The following TTC17 variants were observed in gnomAD, a reference collection of about 807,000 sequenced individuals.
TTC17 encodes the protein tetratricopeptide repeat protein 17.
In TTC17, 58 loss-of-function variants were observed where a neutral mutation model predicts 143.8. That is an observed-to-expected ratio of 0.40 (90% CI 0.33 to 0.50). The LOEUF (loss-of-function observed/expected upper bound fraction) is 0.50, where lower values mean the gene tolerates loss of function less well. Ranked by LOEUF, TTC17 falls within the 20% of genes least tolerant of loss-of-function variation. The probability of loss-of-function intolerance (pLI) is 0.49; values close to 1 mark genes in which losing one functional copy is unlikely to be tolerated. For synonymous variants in TTC17, 501 were observed against 497.8 expected (o/e 1.01, Z -0.09); for missense variants, 1,273 against 1,392.5 (o/e 0.91, Z 1.37).
At chr11:43,392,987 A>G (rs976586374) in intron 5 of TTC17, among the ~76,000 whole-genome samples, 4 of 152,220 alleles carry the variant, frequency 2.6e-5, no homozygotes, top group Non-Finnish European at 5.9e-5. Context: ...AAGGCTCTGA[A>G]TCCTGATTGA....
chr11:43,493,977 G>T lies in TTC17; in HGVS notation c.*73G>T. On this transcript the variant is annotated 3_prime_UTR_variant, in exon 24 of 24. Transcript: ENST00000039989. ...AGAATAAGAAAAGAAACCAATCATTGTCAGTATCTACTATTAATGATGTGT... is the reference window on the plus strand; with the variant it reads ...AGAATAAGAAAAGAAACCAATCATTTTCAGTATCTACTATTAATGATGTGT... The T allele has an allele frequency of 6.7e-7, 1 of 1,490,434 alleles. No individual in the cohort carries two copies. The highest frequency in any genetic ancestry group is 1.4e-5 in the South Asian group (1 of 71,718). 92.3% of individuals were successfully genotyped at this position (1,490,434 alleles called of 1,614,324 possible). A position where few individuals can be genotyped will look rare whatever the true frequency, so the allele number is the denominator to read the frequency against.
chr11:43,374,170 G>T (rs1423646483), intron 1 of TTC17, among the ~76,000 whole-genome samples: 1 of 152,114 alleles, frequency 6.6e-6, no homozygotes, highest in Non-Finnish European at 1.5e-5. Flanking sequence ...AAATTTTTGT[G>T]GGAAAGCACT....
intron 21 of TTC17, among the ~76,000 whole-genome samples, chr11:43,488,488 T>A (rs1413635976): frequency 6.6e-6 from 1 of 150,522 alleles, no homozygotes; most frequent in African/African-American, 2.4e-5. Flanking sequence ...ATATATATAT[T>A]ACTTTATATA....
chr11:43,421,432 A>G (rs542831380), intron 16 of TTC17, among the ~76,000 whole-genome samples: 2 of 152,146 alleles, frequency 1.3e-5, no homozygotes, highest in Non-Finnish European at 2.9e-5. Context: ...CGTCTAAGAG[A>G]AAGATGTAAG....
intron 1 of TTC17, among the ~76,000 whole-genome samples, chr11:43,361,803 A>G (rs2134423857): frequency 6.6e-6 from 1 of 152,306 alleles, no homozygotes; most frequent in East Asian, 1.9e-4. Flanking sequence ...CTACCAGGCA[A>G]AGGGCTAAGG....
At chr11:43,455,275 C>T (rs1947741736) in intron 21 of TTC17, among the ~76,000 whole-genome samples, 1 of 151,570 alleles carries the variant, frequency 6.6e-6, no homozygotes, top group South Asian at 2.1e-4. Context: ...GCATTAAGTA[C>T]TGTGTCAGTA....
At chr11:43,484,162 T>G (rs1948338040) in intron 21 of TTC17, among the ~76,000 whole-genome samples, 1 of 151,884 alleles carries the variant, frequency 6.6e-6, no homozygotes, top group Non-Finnish European at 1.5e-5. Flanking sequence ...AGAAATAAAT[T>G]AATGGCATAA....
chr11:43,378,693 ATTTTTT>A (rs1856852282), intron 1 of TTC17, among the ~76,000 whole-genome samples: 4 of 152,322 alleles, frequency 2.6e-5, no homozygotes, highest in African/African-American at 7.2e-5. Context: ...ATGAGTGTTC[ATTTTTT>A]CTACAGCTTC....
rs145701531 is a variant in TTC17 at position 43,379,328 on chromosome 11, G to T, written c.249+6G>T. On this transcript the variant is annotated splice_donor_region_variant and intron_variant, in intron 2 of 23. Coordinates refer to ENST00000039989, the MANE Select transcript of TTC17 (RefSeq NM_018259.6). ...ACTACCTCAAAGAATTAGAGGTGAG[G>T]CAACTGGGCATGTGAGATGCAGCTG... 4.4e-5 allele frequency: 71 copies of T among 1,609,796 alleles called. No individual in the cohort carries two copies. The highest frequency in any genetic ancestry group is 3.0e-4 in the South Asian group (27 of 90,328).
At chr11:43,474,109 C>A (rs1948141751) in intron 21 of TTC17, among the ~76,000 whole-genome samples, 1 of 152,138 alleles carries the variant, frequency 6.6e-6, no homozygotes, top group Non-Finnish European at 1.5e-5. Flanking sequence ...AAATGCCCAG[C>A]AGTAGCGGAG....
intron 23 of TTC17, among the ~76,000 whole-genome samples, chr11:43,492,775 TC>T (rs970558153): frequency 6.6e-4 from 101 of 152,320 alleles, no homozygotes; most frequent in African/African-American, 2.3e-3. Context: ...GGCAAAGTCA[TC>T]CAGATCCCTC....
intron 21 of TTC17, among the ~76,000 whole-genome samples, chr11:43,467,689 C>G (rs931880173): frequency 1.3e-5 from 2 of 151,970 alleles, no homozygotes; most frequent in East Asian, 3.9e-4. Flanking sequence ...AACAGTAGAA[C>G]AGATGATTAG....
intron 13 of TTC17, 36 bp from the exon 14 acceptor site, chr11:43,407,102 T>C: frequency 1.4e-6 from 2 of 1,437,232 alleles, no homozygotes. Flanking sequence ...TTCCCTGTTA[T>C]TTTCAATTGA....
chr11:43,439,350 C>G (rs1055407854), intron 16 of TTC17, among the ~76,000 whole-genome samples: 1 of 152,032 alleles, frequency 6.6e-6, no homozygotes, highest in African/African-American at 2.4e-5. Context: ...CTTTGGATAT[C>G]TCTTAAAGTG....
intron 16 of TTC17, 132 bp downstream of exon 16, chr11:43,414,908 A>T (rs1946743189): frequency 2.1e-6 from 2 of 940,516 alleles, no homozygotes; most frequent in Non-Finnish European, 3.1e-6. Flanking sequence ...CCAGATGCAT[A>T]GGAAAAGATG....
At chr11:43,463,449 A>G (rs1015360376) in intron 21 of TTC17, among the ~76,000 whole-genome samples, 2 of 152,220 alleles carry the variant, frequency 1.3e-5, no homozygotes, top group African/African-American at 4.8e-5. Context: ...TAGCTTTCAT[A>G]TATACAATTT....
chr11:43,462,233 G>T (rs575205755), intron 21 of TTC17, among the ~76,000 whole-genome samples: 6 of 152,204 alleles, frequency 3.9e-5, no homozygotes, highest in African/African-American at 1.4e-4. Flanking sequence ...CCCCTACAAA[G>T]ATATCCACGT....
chr11:43,454,676 G>A (rs1198361982), intron 21 of TTC17, among the ~76,000 whole-genome samples: 2 of 152,024 alleles, frequency 1.3e-5, no homozygotes, highest in African/African-American at 4.8e-5. Context: ...CAAAGTTTAT[G>A]ATCTCCATAC....
rs200275842 is a variant in TTC17, at chr11:43,443,339, G to A, written c.2266G>A (p.Glu756Lys). The A allele has an allele frequency of 4.3e-6, 7 of 1,613,940 alleles. No individual in the cohort carries two copies. Among genetic ancestry groups the A allele is most frequent in the Non-Finnish European group, 5.9e-6 (7 of 1,179,982 alleles). ...TTGAATTTCAGGTACGGTGGTTGAG[G>A]AGAGCAATGGTTCTGATGAGATGGA... The part of the protein sequence containing the change: ...SSVCSGTVVE[E>K]SNGSDEMENS... Residue 756 changes from glutamate to lysine, a missense_variant, in exon 17 of 24, where the codon GAG (glutamate) becomes AAG (lysine). Coordinates refer to ENST00000039989, the MANE Select transcript of TTC17 (RefSeq NM_018259.6).
Sources: allele counts gnomAD v4.1 joint callset (sites outside exome capture counted in the v4.1 genomes callset), GRCh38; gene constraint gnomAD v4.1.1; transcripts MANE v1.5; gene names NCBI Gene and HGNC (gene_info 2026-07-23, HGNC 2026-07-21).